SEMA3G: variants seen among roughly 807,000 people sequenced by gnomAD.
SEMA3G encodes the protein semaphorin-3G.
A neutral mutation model predicts 86.2 loss-of-function variants in SEMA3G; 70 were observed. The observed-to-expected ratio is 0.81, with a 90% confidence interval of 0.67 to 0.99. The LOEUF (loss-of-function observed/expected upper bound fraction) is 0.99. Among genes scored for constraint, SEMA3G ranks in the 50% least tolerant of loss-of-function variants. The pLI, the probability that SEMA3G is intolerant of heterozygous loss-of-function variation, is 0.00. For missense variants in SEMA3G, 1,002 were observed against 1,072.4 expected, an observed-to-expected ratio of 0.93 and a Z score of 0.92; for synonymous variants, 416 against 441.4, an observed-to-expected ratio of 0.94 and a Z score of 0.72.
At chr3:52,440,266 G>T in intron 10 of SEMA3G, 111 bp downstream of exon 10, 1 of 1,295,384 alleles carries the variant, frequency 7.7e-7, no homozygotes, top group Non-Finnish European at 1.0e-6. Context: ...CCCAGGCTTG[G>T]CCAACGTCCG....
At chr3:52,438,255 C>T (rs1418391976) in intron 13 of SEMA3G, 56 bp from the exon 14 acceptor site, 1 of 1,519,008 alleles carries the variant, frequency 6.6e-7, no homozygotes, top group Non-Finnish European at 9.0e-7. Context: ...CCACACGCAG[C>T]CAGGCTCTCA....
chr3:52,438,531 G>C, intron 13 of SEMA3G: 3 of 985,456 alleles, frequency 3.0e-6, no homozygotes, highest in Non-Finnish European at 3.6e-6. Flanking sequence ...CTTGCTTTAA[G>C]CAACCCTTGC....
At position 52,438,053 on chromosome 3, in the gene SEMA3G, G is replaced by A. The variant is rs1358393495; in HGVS notation, c.1656C>T (p.Pro552=). 1.2e-6 allele frequency: 2 copies of A among 1,613,230 alleles called. No homozygotes were observed. Among genetic ancestry groups the A allele is most frequent in the South Asian group, 1.1e-5 (1 of 91,088 alleles). ...WDGASCTHYR[P]SLGKRRFRRQ... ...GGCGGAACCGGCGCTTGCCAAGGCT[G>A]GGGCGGTAGTGGGTACAGGAGGCAC... Residue 552 remains proline (P), a synonymous_variant, in exon 14 of 16, where the codon CCC becomes CCT. Transcript: ENST00000231721.
intron 13 of SEMA3G, 137 bp from the exon 14 acceptor site, chr3:52,438,336 A>C: frequency 7.0e-7 from 1 of 1,423,406 alleles, no homozygotes; most frequent in East Asian, 2.5e-5. Flanking sequence ...CATTCAAAAA[A>C]CAAAAAGTGT....
At chr3:52,441,117 C>A in intron 7 of SEMA3G, 69 bp from the exon 8 acceptor site, 1 of 1,477,168 alleles carries the variant, frequency 6.8e-7, no homozygotes. Context: ...ACTCTTCTAC[C>A]CTCACCCACT....
intron 15 of SEMA3G, among the ~76,000 whole-genome samples, chr3:52,437,062 G>A (rs1706060533): frequency 6.6e-6 from 1 of 152,196 alleles, no homozygotes; most frequent in Non-Finnish European, 1.5e-5. Context: ...GCCAGGCTTT[G>A]AGGGTGGAGG....
In SEMA3G at chr3:52,441,266, C is replaced by A. The variant is rs774643539; in HGVS notation, c.811G>T (p.Val271Leu). 6.2e-7 allele frequency: 1 copy of A among 1,612,686 alleles called. No homozygotes were observed. The highest frequency in any genetic ancestry group is 1.3e-5 in the African/African-American group (1 of 75,052). ...CACCACCCCTTCCCAGCTCTTACCA[C>A]GCAGACGCGGCCCACGCGGCTGACA... Reference protein sequence around the residue: ...VTVSRVGRVCVNDAGGQRVLV... With the variant: ...VTVSRVGRVCLNDAGGQRVLV... The change falls in exon 7 of 16, where the codon GTG (valine) becomes TTG (leucine). Residue 271 changes from valine to leucine, a missense_variant and splice_region_variant. Val to Leu is a conservative substitution (Grantham distance 32). Coordinates refer to ENST00000231721, the MANE Select transcript of SEMA3G (RefSeq NM_020163.3).
At chr3:52,441,482 G>C in intron 6 of SEMA3G, 73 bp from the exon 7 acceptor site, 1 of 1,587,904 alleles carries the variant, frequency 6.3e-7, no homozygotes, top group Non-Finnish European at 8.6e-7. Context: ...CCAGTGGGGA[G>C]AGGAATGGGG....
At position 52,445,048 on chromosome 3, in the gene SEMA3G, G is replaced by A. The variant is rs563833297; in HGVS notation, c.-21C>T. On this transcript the variant is annotated 5_prime_UTR_variant, in exon 1 of 16. Coordinates refer to ENST00000231721, the MANE Select transcript of SEMA3G (RefSeq NM_020163.3). Reference sequence around the variant, plus strand: ...GCCATGCTGGGGAACTGAGGGCACCGCTGCCGCCTGCCTGCAGAGCCGCCC... The same window carrying A: ...GCCATGCTGGGGAACTGAGGGCACCACTGCCGCCTGCCTGCAGAGCCGCCC... 2 of 1,263,062 alleles carry A rather than the reference G, an allele frequency of 1.6e-6. No homozygotes were observed. The highest frequency in any genetic ancestry group is 3.4e-5 in the South Asian group (1 of 29,582). 78.2% of individuals were successfully genotyped at this position (1,263,062 alleles called of 1,614,324 possible). A position where few individuals can be genotyped will look rare whatever the true frequency, so the allele number is the denominator to read the frequency against.
At chr3:52,439,018 C>T in intron 12 of SEMA3G, 57 bp from the exon 13 acceptor site, 2 of 1,576,314 alleles carry the variant, frequency 1.3e-6, no homozygotes, top group South Asian at 2.3e-5. Flanking sequence ...TGCCCCTGCA[C>T]CCCTGCTTTC....
In SEMA3G at chr3:52,434,790, C is replaced by T. The variant is rs1334302447; in HGVS notation, c.*813G>A. 6.6e-6 allele frequency: 1 copy of T among 152,262 alleles called. No homozygotes were observed. Among genetic ancestry groups the T allele is most frequent in the Non-Finnish European group, 1.5e-5 (1 of 68,080 alleles). 9.4% of individuals were successfully genotyped at this position (152,262 alleles called of 1,614,324 possible). ...CAACAATGCCCCAGAACCCACCCCT[C>T]CCCGCTCGTGGACATGGAGAGCCTG... On this transcript the variant is annotated 3_prime_UTR_variant, in exon 16 of 16. Coordinates refer to ENST00000231721, the MANE Select transcript of SEMA3G (RefSeq NM_020163.3). The surrounding 1 kb of genome is among the most constrained non-coding windows in gnomAD (Gnocchi z 5.2).
Position 52,435,980 on chromosome 3 carries a change from G to A in SEMA3G, c.1972C>T (p.Leu658=), listed in dbSNP as rs1299829205. 1 of 1,613,864 alleles carries A rather than the reference G, an allele frequency of 6.2e-7. No individual in the cohort carries two copies. The highest frequency in any genetic ancestry group is 2.2e-5 in the East Asian group (1 of 44,896). The change falls in exon 16 of 16, where the codon CTG becomes TTG. Residue 658 remains leucine, a synonymous_variant. Transcript: ENST00000231721. ...ACAGTCTGGGAGAAGCCATGCTCCA[G>A]AGTGGTGCAGGTGTAGGTGCCCGCA... is the stretch of plus-strand genomic sequence containing the variant. ...FDAGTYTCTT[L]EHGFSQTVVR...
chr3:52,435,742 C>T lies in SEMA3G; in HGVS notation c.2210G>A (p.Cys737Tyr), dbSNP rs1706034334. The change falls in exon 16 of 16, where the codon TGC becomes TAC. Residue 737 changes from cysteine to tyrosine, a missense_variant. Cys to Tyr is a radical substitution (Grantham distance 194). Coordinates refer to ENST00000231721, the MANE Select transcript of SEMA3G (RefSeq NM_020163.3). Reference sequence around the variant, plus strand: ...GCTCCGGCTCCGGAAGCAGCCTGAGCATTCCGTGGTGCCCCTGCACCACAC... The same window carrying T: ...GCTCCGGCTCCGGAAGCAGCCTGAGTATTCCGTGGTGCCCCTGCACCACAC... Reference protein sequence around the residue: ...ERVWCRGTTECSGCFRSRSRG... With the variant: ...ERVWCRGTTEYSGCFRSRSRG... 1 of 1,614,124 alleles carries T rather than the reference C, an allele frequency of 6.2e-7. No homozygotes were observed. The highest frequency in any genetic ancestry group is 8.5e-7 in the Non-Finnish European group (1 of 1,180,016).
Position 52,440,917 on chromosome 3 carries a change from C to A in SEMA3G, c.928+17G>T. ...TCCCCACTCCCGAGCCCTAGGCCTG[C>A]TTGGCCAGGCCCTCACCTAGCTGGT... is the stretch of plus-strand genomic sequence containing the variant. On this transcript the variant is annotated intron_variant, in intron 8 of 15. Coordinates refer to ENST00000231721, the MANE Select transcript of SEMA3G (RefSeq NM_020163.3). The A allele has an allele frequency of 6.2e-7, 1 of 1,600,294 alleles. No individual in the cohort carries two copies. The highest frequency in any genetic ancestry group is 8.5e-7 in the Non-Finnish European group (1 of 1,173,104).
In SEMA3G at chr3:52,440,050, T is replaced by C. The variant is rs768941166; in HGVS notation, c.1192A>G (p.Lys398Glu). The change falls in exon 11 of 16, where the codon AAG becomes GAG. Residue 398 changes from lysine (K) to glutamate (E), a missense_variant. Lys to Glu is a moderately conservative substitution (Grantham distance 56, BLOSUM62 1). Transcript: ENST00000231721. ...TGCAGCACCTCATCTGGGTAGTCCT[T>C]GGTGCTGCCAAAAGGCCGTCCTGGC... ...AQPGRPFGST[K>E]DYPDEVLQFA... is the part of the protein sequence containing the mutation. The C allele has an allele frequency of 2.2e-5, 36 of 1,600,618 alleles. No individual in the cohort carries two copies. The highest frequency in any genetic ancestry group is 4.4e-5 in the South Asian group (4 of 90,716).
rs1005376247 is a variant in SEMA3G at position 52,435,826 on chromosome 3, T to C, written c.2126A>G (p.Asp709Gly). 1 of 1,614,078 alleles carries C rather than the reference T, an allele frequency of 6.2e-7. No individual in the cohort carries two copies. Among genetic ancestry groups the C allele is most frequent in the Non-Finnish European group, 8.5e-7 (1 of 1,179,996 alleles). ...ASTPPKAWYK[D>G]ILQLIGFANL... ...GGCGAAGCCAATGAGCTGCAGGATGTCCTTGTACCAGGCCTTGGGTGGGGT... is the reference window on the plus strand; with the variant it reads ...GGCGAAGCCAATGAGCTGCAGGATGCCCTTGTACCAGGCCTTGGGTGGGGT... The change falls in exon 16 of 16, where the codon GAC (aspartate) becomes GGC (glycine). Residue 709 changes from aspartate (D) to glycine (G), a missense_variant. Physicochemically the swap from Asp to Gly is moderately conservative, Grantham distance 94. Coordinates refer to ENST00000231721, the MANE Select transcript of SEMA3G (RefSeq NM_020163.3).
At position 52,435,570 on chromosome 3, in the gene SEMA3G, A is replaced by G; in HGVS notation, c.*33T>C. The G allele has an allele frequency of 6.3e-7, 1 of 1,579,676 alleles. No individual in the cohort carries two copies. The highest frequency in any genetic ancestry group is 8.6e-7 in the Non-Finnish European group (1 of 1,160,440). On this transcript the variant is annotated 3_prime_UTR_variant, in exon 16 of 16. Coordinates refer to ENST00000231721, the MANE Select transcript of SEMA3G (RefSeq NM_020163.3). ...GCTGGGGGCTGCTAGTGGGCCCCCC[A>G]GCCCATCCTGACCACCCCTCCTCTG...
In SEMA3G at chr3:52,439,745, C is replaced by A. The variant is rs888267211; in HGVS notation, c.1402G>T (p.Ala468Ser). ...TDSGSVLKVI[A>S]LQAGGSAEPE... ...TCAGCTGAGCCCCCTGCCTGGAGAG[C>A]GATGACTTTGAGCACAGACCCTGAG... The change falls in exon 12 of 16, where the codon GCT (alanine) becomes TCT (serine). Residue 468 changes from alanine to serine, a missense_variant. Coordinates refer to ENST00000231721, the MANE Select transcript of SEMA3G (RefSeq NM_020163.3). The A allele has an allele frequency of 1.9e-6, 3 of 1,613,886 alleles. No homozygotes were observed. The highest frequency in any genetic ancestry group is 2.5e-6 in the Non-Finnish European group (3 of 1,180,018).
chr3:52,436,215 G>A, intron 15 of SEMA3G, 142 bp from the exon 16 acceptor site: 1 of 1,419,806 alleles, frequency 7.0e-7, no homozygotes, highest in South Asian at 1.5e-5. Context: ...GAGGGGACCA[G>A]CAGCGTGGCA....
Sources: allele counts gnomAD v4.1 joint callset (sites outside exome capture counted in the v4.1 genomes callset), GRCh38; gene constraint gnomAD v4.1.1; non-coding constraint Gnocchi (gnomAD v3.1); transcripts MANE v1.5; gene names NCBI Gene and HGNC (gene_info 2026-07-23, HGNC 2026-07-21).